Variants in ZNF418 observed in about 807,000 individuals in gnomAD.
ZNF418 encodes the protein zinc finger protein 418.
A neutral mutation model predicts 32.0 loss-of-function variants in ZNF418; 32 were observed. That is an observed-to-expected ratio of 1.00 (90% CI 0.75 to 1.34). The LOEUF (loss-of-function observed/expected upper bound fraction) is 1.34, where lower values mean the gene tolerates loss of function less well. ZNF418 is among the 40% of genes most tolerant of loss of function. ZNF418 has a pLI of 0.00. For synonymous variants in ZNF418, 276 were observed against 270.7 expected (o/e 1.02, Z -0.19); for missense variants, 804 against 812.5 (o/e 0.99, Z 0.13).
intron 1 of ZNF418, chr19:57,934,250 A>T: frequency 1.9e-6 from 2 of 1,031,340 alleles, no homozygotes; most frequent in Non-Finnish European, 2.3e-6. Context: ...TTTGAGCCAG[A>T]GTTTCGCTCT....
At chr19:57,928,703 C>T (rs2072352096) in intron 3 of ZNF418, among the ~76,000 whole-genome samples, 2 of 152,052 alleles carry the variant, frequency 1.3e-5, no homozygotes, top group African/African-American at 4.8e-5. Flanking sequence ...TAACAATTTG[C>T]ACACACTTGG....
At chr19:57,925,516 C>T (rs1387110959) in intron 4 of ZNF418, 107 bp downstream of exon 4, 1 of 151,996 alleles carries the variant, frequency 6.6e-6, no homozygotes, top group Non-Finnish European at 1.5e-5. Flanking sequence ...AAAGGTAGTC[C>T]ATCTTTTCAA....
intron 3 of ZNF418, among the ~76,000 whole-genome samples, chr19:57,928,924 G>A (rs2072364824): frequency 6.6e-6 from 1 of 152,152 alleles, no homozygotes; most frequent in African/African-American, 2.4e-5. Flanking sequence ...AACCCAGGAG[G>A]TGGAGCTTGC....
At position 57,934,994 on chromosome 19, in the gene ZNF418, C is replaced by T. The variant is rs1187773287; in HGVS notation, c.-81+167G>A. 9.8e-6 allele frequency: 14 copies of T among 1,428,726 alleles called. No homozygotes were observed. In the Middle Eastern group the frequency reaches 5.6e-4, roughly 57 times the overall value. 88.5% of individuals were successfully genotyped at this position (1,428,726 alleles called of 1,614,324 possible). On this transcript the variant is annotated intron_variant, in intron 1 of 5. Transcript: ENST00000396147. ...CGCGCCGGTCCCTGTGCCTGTCGCT[C>T]TCCCCACCGCATCCCACAGGTGTCA...
At chr19:57,933,046 C>T (rs1320779826) in intron 2 of ZNF418, among the ~76,000 whole-genome samples, 1 of 152,190 alleles carries the variant, frequency 6.6e-6, no homozygotes, top group Non-Finnish European at 1.5e-5. Context: ...TGCAACCACC[C>T]CTTCCTGGCC....
At position 57,926,483 on chromosome 19, in the gene ZNF418, A is replaced by G. The variant is rs189701300; in HGVS notation, c.1698T>C (p.Tyr566=). The part of the protein sequence containing the change: ...HQKTHTAERP[Y]ECRECGKFFS... ...AGAATTTCCCACATTCTCTGCACTC[A>G]TAAGGTCTTTCTGCAGTGTGAGTTT... is the stretch of plus-strand genomic sequence containing the variant. Residue 566 remains tyrosine, a synonymous_variant, in exon 4 of 6, where the codon TAT becomes TAC. Transcript: ENST00000396147. The G allele has an allele frequency of 5.8e-5, 93 of 1,612,336 alleles. No individual in the cohort carries two copies. In the East Asian group the frequency reaches 1.8e-3, roughly 32 times the overall value.
rs1445972643 is a variant in ZNF418 at position 57,927,547 on chromosome 19, A to C, written c.634T>G (p.Ser212Ala). 2 of 1,614,252 alleles carry C rather than the reference A, an allele frequency of 1.2e-6. No homozygotes were observed. Among genetic ancestry groups the C allele is most frequent in the Non-Finnish European group, 1.7e-6 (2 of 1,180,042 alleles). ...HYSCGECMKH[S>A]STKHVFVQQQ... ...TGAACAAATACGTGTTTGGTGCTAG[A>C]ATGTTTCATGCATTCTCCACAGCTG... The change falls in exon 4 of 6, where the codon TCT (serine) becomes GCT (alanine). Residue 212 changes from serine (S) to alanine (A), a missense_variant. By Grantham distance (99) the Ser-to-Ala change is moderately conservative (BLOSUM62 1). Coordinates refer to ENST00000396147, the MANE Select transcript of ZNF418 (RefSeq NM_133460.3).
intron 1 of ZNF418, 155 bp from the exon 2 acceptor site, chr19:57,934,057 C>T (rs1192676150): frequency 1.4e-6 from 2 of 1,446,162 alleles, no homozygotes; most frequent in Non-Finnish European, 1.8e-6. Flanking sequence ...GGAATACCTC[C>T]ATACATCCTG....
intron 2 of ZNF418, 130 bp downstream of exon 2, chr19:57,933,687 C>G: frequency 8.1e-7 from 1 of 1,238,552 alleles, no homozygotes; most frequent in Non-Finnish European, 1.2e-6. Flanking sequence ...TGCCACTGCA[C>G]TCCAGCCTGG....
chr19:57,930,390 A>T (rs1043461726), intron 3 of ZNF418, 38 bp downstream of exon 3: 3 of 1,613,664 alleles, frequency 1.9e-6, no homozygotes, highest in Admixed American at 1.7e-5. Context: ...AAGGGCAGAG[A>T]TCTATTCAGG....
At chr19:57,934,945 G>A (rs1029541429) in intron 1 of ZNF418, 4 of 1,258,584 alleles carry the variant, frequency 3.2e-6, no homozygotes, top group Non-Finnish European at 4.2e-6. Context: ...CCATCCTCCC[G>A]GGTCTGTCCT....
intron 2 of ZNF418, 59 bp from the exon 3 acceptor site, chr19:57,930,613 C>T (rs1275533576): frequency 1.9e-6 from 3 of 1,606,426 alleles, no homozygotes; most frequent in Non-Finnish European, 2.6e-6. Flanking sequence ...TACCACAATC[C>T]ACCTCTCCCA....
chr19:57,934,169 G>A, intron 1 of ZNF418: 1 of 1,220,334 alleles, frequency 8.2e-7, no homozygotes, highest in Non-Finnish European at 1.0e-6. Context: ...ACAAGCTAGA[G>A]AACATGTGAA....
chr19:57,931,689 T>C (rs1174198472), intron 2 of ZNF418, among the ~76,000 whole-genome samples: 1 of 152,180 alleles, frequency 6.6e-6, no homozygotes, highest in Admixed American at 6.5e-5. Flanking sequence ...TTCAAACCCC[T>C]TAGCCCCAGG....
In ZNF418 at chr19:57,927,470, T is replaced by C. The variant is rs2072290517; in HGVS notation, c.711A>G (p.Lys237=). ...TGACGCTATCATATTTGCTAAAGGA[T>C]TTCCCACATTCCCAGCAATAACATT... The part of the protein sequence containing the change: ...REECYCWECG[K]SFSKYDSVSN... Residue 237 remains lysine, a synonymous_variant, in exon 4 of 6, where the codon AAA becomes AAG. Coordinates refer to ENST00000396147, the MANE Select transcript of ZNF418 (RefSeq NM_133460.3). The C allele has an allele frequency of 6.2e-7, 1 of 1,614,258 alleles. No individual in the cohort carries two copies. The highest frequency in any genetic ancestry group is 8.5e-7 in the Non-Finnish European group (1 of 1,180,048).
intron 1 of ZNF418, 149 bp downstream of exon 1, chr19:57,935,012 A>T: frequency 7.0e-7 from 1 of 1,421,860 alleles, no homozygotes; most frequent in Non-Finnish European, 9.3e-7. Flanking sequence ...CGCATCCCAC[A>T]GGTGTCAGAA....
At chr19:57,925,498 T>G (rs527905181) in intron 4 of ZNF418, 125 bp downstream of exon 4, 16 of 150,554 alleles carry the variant, frequency 1.1e-4, no homozygotes, top group African/African-American at 3.9e-4. Context: ...ACCCATAAGG[T>G]CCCTGAAAAA....
rs566424141 is a variant in ZNF418, at chr19:57,931,601, G to A, written c.7-1047C>T. Among the ~76,000 whole-genome samples the A allele has an allele frequency of 3.3e-5, 5 of 152,306 alleles. No homozygotes were observed. In the South Asian group the frequency reaches 1.0e-3, roughly 32 times the overall value. ...CTTTTGAGCCTTAACACAAATTACA[G>A]TTTTGGTTTCTTTTAGTCAGGTTCT... is the stretch of plus-strand genomic sequence containing the variant. On this transcript the variant is annotated intron_variant, in intron 2 of 5. Transcript: ENST00000396147.
Position 57,927,229 on chromosome 19 carries a change from C to T in ZNF418, c.952G>A (p.Glu318Lys), listed in dbSNP as rs1372273934. The change falls in exon 4 of 6, where the codon GAA (glutamate) becomes AAA (lysine). Residue 318 changes from glutamate (E) to lysine (K), a missense_variant. Around this residue, in one of 3 missense-constraint regions of ZNF418, gnomAD observed 475 missense variants for 458.6 expected, o/e 1.04. Transcript: ENST00000396147. The stretch of plus-strand genomic sequence containing the variant: ...TTTTGACTAAAAGATTTCCCACATT[C>T]TCCACACTCATAAGGTCTTTCTCCA... ...HTGERPYECG[E>K]CGKSFSQNGT... 1 of 1,614,218 alleles carries T rather than the reference C, an allele frequency of 6.2e-7. No homozygotes were observed. The highest frequency in any genetic ancestry group is 1.3e-5 in the African/African-American group (1 of 75,058).
Sources: allele counts gnomAD v4.1 joint callset (sites outside exome capture counted in the v4.1 genomes callset), GRCh38; gene constraint gnomAD v4.1.1; regional missense constraint gnomAD v4.1.1; transcripts MANE v1.5; gene names NCBI Gene and HGNC (gene_info 2026-07-23, HGNC 2026-07-21).